PCDH15: variants seen among roughly 807,000 people sequenced by gnomAD.
PCDH15 encodes the protein protocadherin related 15, also known as protocadherin-15.
In PCDH15, 129 loss-of-function variants were observed where a neutral mutation model predicts 178.5. That is an observed-to-expected ratio of 0.72 (90% CI 0.63 to 0.84). The LOEUF is 0.84. PCDH15 is among the 40% of genes least tolerant of loss of function. The pLI is 0.00. For synonymous variants in PCDH15, 800 were observed against 732.0 expected (o/e 1.09, Z -1.50); for missense variants, 2,230 against 2,099.9 (o/e 1.06, Z -1.21).
chr10:54,796,925 C>T (rs373021207), intron 1 of PCDH15, among the ~76,000 whole-genome samples: 133 of 152,128 alleles, frequency 8.7e-4, no homozygotes, highest in Middle Eastern at 3.4e-3. Flanking sequence ...AAAGAAAAGT[C>T]ACTGTCCTTG....
intron 2 of PCDH15, among the ~76,000 whole-genome samples, chr10:55,508,307 T>C (rs1840804852): frequency 6.6e-6 from 1 of 151,756 alleles, no homozygotes; most frequent in Admixed American, 6.6e-5. Flanking sequence ...TTTCATATAT[T>C]CTATTAGAAA....
At chr10:54,170,682 C>A (rs2046802825) in intron 13 of PCDH15, among the ~76,000 whole-genome samples, 1 of 151,844 alleles carries the variant, frequency 6.6e-6, no homozygotes, top group Admixed American at 6.6e-5. Flanking sequence ...CTGACATTCA[C>A]CCCATTTCCC....
At chr10:54,671,437 T>C (rs2094669536) in intron 1 of PCDH15, among the ~76,000 whole-genome samples, 1 of 152,154 alleles carries the variant, frequency 6.6e-6, no homozygotes, top group Admixed American at 6.5e-5. Flanking sequence ...ACTTGTATAA[T>C]GTAATATAAT....
At chr10:55,454,934 TAC>T (rs1263930810) in intron 2 of PCDH15, among the ~76,000 whole-genome samples, 1 of 152,042 alleles carries the variant, frequency 6.6e-6, no homozygotes, top group Admixed American at 6.6e-5. Flanking sequence ...TAAATAAATA[TAC>T]ATATATACAC....
At chr10:54,973,587 T>C (rs962339904) in intron 2 of PCDH15, among the ~76,000 whole-genome samples, 1 of 152,134 alleles carries the variant, frequency 6.6e-6, no homozygotes, top group Admixed American at 6.5e-5. Context: ...AATACTAGTG[T>C]AGAAAACAAG....
chr10:54,579,985 C>T (rs994074834), intron 2 of PCDH15, among the ~76,000 whole-genome samples: 2 of 152,000 alleles, frequency 1.3e-5, no homozygotes, highest in Non-Finnish European at 2.9e-5. Flanking sequence ...TTAAGAGGAA[C>T]ATTTACAGCA....
At chr10:55,049,272 ATT>A (rs563334219) in intron 2 of PCDH15, among the ~76,000 whole-genome samples, 9 of 151,898 alleles carry the variant, frequency 5.9e-5, no homozygotes, top group Non-Finnish European at 1.3e-4. Flanking sequence ...GCATTAGGTT[ATT>A]GGGCCTATTT....
intron 8 of PCDH15, among the ~76,000 whole-genome samples, chr10:54,289,717 T>C (rs934428209): frequency 1.3e-5 from 2 of 152,164 alleles, no homozygotes; most frequent in African/African-American, 4.8e-5. Context: ...CTGATGGAGC[T>C]GAAAACCATG....
intron 2 of PCDH15, among the ~76,000 whole-genome samples, chr10:54,608,923 T>C (rs1428045119): frequency 6.6e-6 from 1 of 152,100 alleles, no homozygotes; most frequent in African/African-American, 2.4e-5. Context: ...AGTATAATCA[T>C]ACCCAAATTT....
intron 2 of PCDH15, among the ~76,000 whole-genome samples, chr10:55,602,015 G>A (rs1266289782): frequency 1.3e-5 from 2 of 152,106 alleles, no homozygotes; most frequent in African/African-American, 4.8e-5. Flanking sequence ...ACACGGCGCA[G>A]GTCAGTGGGT....
chr10:54,631,718 T>C lies in PCDH15; in HGVS notation c.91+32454A>G, dbSNP rs192445430. On this transcript the variant is annotated intron_variant, in intron 2 of 37. Transcript: ENST00000644397. ...TATAAATGAAAAAGGTTTAATTAAC[T>C]CACAATTCAGCATAGCTGGGGAGGC... 3.4e-3 allele frequency among the ~76,000 whole-genome samples: 523 copies of C among 152,232 alleles called. 4 individuals carry two copies. Among genetic ancestry groups the C allele is most frequent in the Middle Eastern group, 0.02 (6 of 294 alleles).
intron 6 of PCDH15, among the ~76,000 whole-genome samples, chr10:54,330,546 GTT>G (rs1939284679): frequency 1.3e-5 from 2 of 150,914 alleles, no homozygotes; most frequent in South Asian, 4.2e-4. Context: ...ACTTGAATCA[GTT>G]CATTATTGTG....
chr10:54,649,271 A>G (rs1277872167), intron 2 of PCDH15, among the ~76,000 whole-genome samples: 1 of 152,206 alleles, frequency 6.6e-6, no homozygotes, highest in Non-Finnish European at 1.5e-5. Context: ...TAAATAATAC[A>G]CAATCATGGG....
intron 2 of PCDH15, among the ~76,000 whole-genome samples, chr10:55,040,526 A>AACAACAACAAC (rs1564740618): frequency 6.3e-4 from 81 of 128,748 alleles, no homozygotes; most frequent in Admixed American, 1.2e-3. Context: ...ACAACAACAA[A>AACAACAACAAC]AACACAGGAG....
chr10:53,974,150 T>C (rs529420741), intron 21 of PCDH15, among the ~76,000 whole-genome samples: 10 of 152,212 alleles, frequency 6.6e-5, no homozygotes, highest in Middle Eastern at 3.4e-3. Context: ...ACCAAGTAGC[T>C]GCGATTACAG....
chr10:54,164,843 G>T (rs1370420351), intron 13 of PCDH15, among the ~76,000 whole-genome samples: 1 of 152,160 alleles, frequency 6.6e-6, no homozygotes, highest in Non-Finnish European at 1.5e-5. Flanking sequence ...CTTCTACTAT[G>T]CTATTGCCAT....
At chr10:55,580,483 G>A (rs907381541) in intron 2 of PCDH15, among the ~76,000 whole-genome samples, 1 of 150,892 alleles carries the variant, frequency 6.6e-6, no homozygotes, top group African/African-American at 2.4e-5. Context: ...TCAGCCTCTC[G>A]AGCAGCTGGG....
intron 26 of PCDH15, among the ~76,000 whole-genome samples, chr10:53,878,812 T>C (rs1438774338): frequency 1.3e-5 from 2 of 152,158 alleles, no homozygotes; most frequent in Non-Finnish European, 2.9e-5. Flanking sequence ...AAGACTATCA[T>C]AGTGGTTGAG....
At chr10:55,396,235 T>C (rs1398765087) in intron 2 of PCDH15, among the ~76,000 whole-genome samples, 1 of 152,180 alleles carries the variant, frequency 6.6e-6, no homozygotes, top group East Asian at 1.9e-4. Context: ...TTCCAGCACT[T>C]TAGAAACATC....
Sources: allele counts gnomAD v4.1 joint callset (sites outside exome capture counted in the v4.1 genomes callset), GRCh38; gene constraint gnomAD v4.1.1; transcripts MANE v1.5; gene names NCBI Gene and HGNC (gene_info 2026-07-23, HGNC 2026-07-21).